PLLP: variants seen among roughly 807,000 people sequenced by gnomAD.
The protein encoded by PLLP is plasma membrane proteolipid (plasmolipin).
In PLLP, 15 loss-of-function variants were observed where a neutral mutation model predicts 19.7. That is an observed-to-expected ratio of 0.76 (90% CI 0.51 to 1.17). The LOEUF is 1.17. PLLP is among the 50% of genes most tolerant of loss of function. The probability of loss-of-function intolerance (pLI) is 0.00; values close to 1 mark genes in which losing one functional copy is unlikely to be tolerated. For missense variants in PLLP, 255 were observed against 258.3 expected, an observed-to-expected ratio of 0.99 and a Z score of 0.09; for synonymous variants, 111 against 116.3, an observed-to-expected ratio of 0.95 and a Z score of 0.29.
At chr16:57,283,338 G>A (rs149501073) in intron 1 of PLLP, among the ~76,000 whole-genome samples, 72 of 152,204 alleles carry the variant, frequency 4.7e-4, no homozygotes, top group Non-Finnish European at 5.6e-4. Flanking sequence ...GCCCGCACCT[G>A]GAGAGGTCAG....
intron 2 of PLLP, among the ~76,000 whole-genome samples, chr16:57,260,617 C>G (rs1597958822): frequency 2.0e-5 from 3 of 152,214 alleles, no homozygotes; most frequent in South Asian, 2.1e-4. Flanking sequence ...GCTTGTCTTA[C>G]AATCATGTGC....
At chr16:57,268,248 C>A (rs2075463835) in intron 1 of PLLP, among the ~76,000 whole-genome samples, 1 of 152,258 alleles carries the variant, frequency 6.6e-6, no homozygotes, top group South Asian at 2.1e-4. Context: ...TACGGCAGCC[C>A]CAGGAAATGA....
intron 1 of PLLP, among the ~76,000 whole-genome samples, chr16:57,263,540 A>G (rs1243315431): frequency 1.3e-5 from 2 of 152,180 alleles, no homozygotes. Context: ...CCCGAACTGG[A>G]CTGCACAGGC....
In PLLP at chr16:57,258,454, A is replaced by C. The variant is rs2075432458; in HGVS notation, c.432+8T>G. On this transcript the variant is annotated splice_region_variant and intron_variant, in intron 3 of 3. Transcript: ENST00000219207. ...AGACCACCAAGGGAGCCTGGGAAGC[A>C]GACTCACCGAGGCAGCCGCGCGCTG... 1 of 1,608,296 alleles carries C rather than the reference A, an allele frequency of 6.2e-7. No homozygotes were observed. Among genetic ancestry groups the C allele is most frequent in the Non-Finnish European group, 8.5e-7 (1 of 1,179,676 alleles).
chr16:57,279,338 G>T (rs1212578183), intron 1 of PLLP, among the ~76,000 whole-genome samples: 2 of 151,716 alleles, frequency 1.3e-5, no homozygotes, highest in African/African-American at 4.8e-5. Flanking sequence ...GGAGATCTAG[G>T]GAAGGCTTCT....
chr16:57,275,641 C>CAAAAAAAA (rs57139241), intron 1 of PLLP, among the ~76,000 whole-genome samples: 7 of 41,390 alleles, frequency 1.7e-4, no homozygotes, highest in African/African-American at 3.1e-4. Context: ...TTTTGCAAGG[C>CAAAAAAAA]AAAAAAAAAA....
intron 1 of PLLP, among the ~76,000 whole-genome samples, chr16:57,273,259 CAA>C (rs113609632): frequency 2.1e-5 from 3 of 142,740 alleles, no homozygotes; most frequent in Non-Finnish European, 3.1e-5. Context: ...GACTCCATCT[CAA>C]AAAAAAAAAA....
chr16:57,261,139 C>T (rs1366482029), intron 2 of PLLP, among the ~76,000 whole-genome samples: 1 of 151,888 alleles, frequency 6.6e-6, no homozygotes, highest in Non-Finnish European at 1.5e-5. Flanking sequence ...AGGCGCGCGC[C>T]ACCACACCTG....
chr16:57,271,506 G>A (rs967823204), intron 1 of PLLP, among the ~76,000 whole-genome samples: 36 of 152,132 alleles, frequency 2.4e-4, no homozygotes, highest in African/African-American at 8.4e-4. Context: ...TTAGCTGGGC[G>A]TGGTGGTGGG....
chr16:57,277,104 A>C (rs768861607), intron 1 of PLLP, among the ~76,000 whole-genome samples: 1 of 152,212 alleles, frequency 6.6e-6, no homozygotes, highest in African/African-American at 2.4e-5. Context: ...TGGGGAGACT[A>C]TATAAACTGG....
chr16:57,283,366 T>C (rs1011377967), intron 1 of PLLP, among the ~76,000 whole-genome samples: 4 of 152,228 alleles, frequency 2.6e-5, no homozygotes, highest in Non-Finnish European at 4.4e-5. Flanking sequence ...AGACTGGACC[T>C]CAGCCCAGGG....
At chr16:57,264,445 C>T (rs1281661663) in intron 1 of PLLP, among the ~76,000 whole-genome samples, 2 of 152,236 alleles carry the variant, frequency 1.3e-5, no homozygotes, top group African/African-American at 4.8e-5. Context: ...GTGCCCGACA[C>T]ATAATATACG....
chr16:57,266,639 G>A (rs1432012458), intron 1 of PLLP, among the ~76,000 whole-genome samples: 1 of 152,174 alleles, frequency 6.6e-6, no homozygotes, highest in Non-Finnish European at 1.5e-5. Context: ...AGAACTCTAT[G>A]CCTTCACCCC....
At chr16:57,270,014 C>A (rs2075469298) in intron 1 of PLLP, among the ~76,000 whole-genome samples, 1 of 152,184 alleles carries the variant, frequency 6.6e-6, no homozygotes, top group African/African-American at 2.4e-5. Flanking sequence ...GATGATCCAC[C>A]TGCCTTGGCC....
chr16:57,272,427 G>A (rs1211950858), intron 1 of PLLP, among the ~76,000 whole-genome samples: 5 of 152,178 alleles, frequency 3.3e-5, no homozygotes, highest in African/African-American at 1.2e-4. Context: ...AGCACCCCAA[G>A]GCCACCTCAT....
intron 1 of PLLP, among the ~76,000 whole-genome samples, chr16:57,273,894 G>C (rs116298023): frequency 6.6e-6 from 1 of 152,336 alleles, no homozygotes; most frequent in African/African-American, 2.4e-5. Context: ...ATTGCTCCCT[G>C]CTGTGTGATC....
chr16:57,273,767 T>TCAACAG (rs1567531980), intron 1 of PLLP, among the ~76,000 whole-genome samples: 3 of 152,130 alleles, frequency 2.0e-5, no homozygotes. Flanking sequence ...CCCTGCCAGG[T>TCAACAG]CAACAGCAAC....
chr16:57,281,112 C>T (rs1040884001), intron 1 of PLLP, among the ~76,000 whole-genome samples: 12 of 152,230 alleles, frequency 7.9e-5, no homozygotes, highest in Non-Finnish European at 1.8e-4. Flanking sequence ...ACCAAGAGCT[C>T]CTGGAAAGCA....
At chr16:57,274,040 T>G (rs148400772) in intron 1 of PLLP, among the ~76,000 whole-genome samples, 289 of 152,340 alleles carry the variant, frequency 1.9e-3, no homozygotes, top group African/African-American at 6.6e-3. Flanking sequence ...CAGGCTGGAC[T>G]GTAGTGGCGT....
Sources: gnomAD v4.1 joint callset for allele counts (sites outside exome capture counted in the v4.1 genomes callset) on GRCh38, gnomAD v4.1.1 for gene constraint, MANE v1.5 for transcripts, NCBI Gene and HGNC (gene_info 2026-07-23, HGNC 2026-07-21) for gene names.